Variants in KCTD1 observed in about 807,000 individuals in gnomAD.
KCTD1 encodes potassium channel tetramerization domain containing 1.
In KCTD1, 24 loss-of-function variants were observed where a neutral mutation model predicts 66.0. That is an observed-to-expected ratio of 0.36 (90% CI 0.26 to 0.51). The LOEUF is 0.51. KCTD1 is among the 20% of genes least tolerant of loss of function. The pLI, the probability that KCTD1 is intolerant of heterozygous loss-of-function variation, is 0.95. For missense variants in KCTD1, 943 were observed against 1,205.2 expected, an observed-to-expected ratio of 0.78 and a Z score of 3.22; for synonymous variants, 511 against 517.2, an observed-to-expected ratio of 0.99 and a Z score of 0.16.
At chr18:26,516,800 C>T (rs1422553679) in intron 1 of KCTD1, among the ~76,000 whole-genome samples, 7 of 152,178 alleles carry the variant, frequency 4.6e-5, no homozygotes, top group African/African-American at 1.4e-4. Context: ...GCTCTGATCT[C>T]TTTCCAGTAA....
chr18:26,520,546 C>CAG (rs1983862316), intron 1 of KCTD1, among the ~76,000 whole-genome samples: 1 of 152,180 alleles, frequency 6.6e-6, no homozygotes, highest in Non-Finnish European at 1.5e-5. Context: ...GATGTCGACA[C>CAG]ATGCTAATTG....
At chr18:26,505,093 T>C (rs1982962534) in intron 1 of KCTD1, among the ~76,000 whole-genome samples, 1 of 152,260 alleles carries the variant, frequency 6.6e-6, no homozygotes, top group African/African-American at 2.4e-5. Context: ...TAGTTTGAAA[T>C]GGGATTTCTG....
chr18:26,574,720 G>A (rs986456566), intron 1 of KCTD1, among the ~76,000 whole-genome samples: 1 of 152,154 alleles, frequency 6.6e-6, no homozygotes, highest in Non-Finnish European at 1.5e-5. Context: ...GAGTTGCGGT[G>A]AAGATCAAAA....
At chr18:26,560,152 AAC>A (rs1491391317) in intron 1 of KCTD1, among the ~76,000 whole-genome samples, 1,443 of 138,666 alleles carry the variant, frequency 0.01, 23 homozygotes, top group Non-Finnish European at 0.013. Context: ...AAAAAAAAAA[AAC>A]AAAACAGATA....
chr18:26,479,747 G>A (rs1981537524), intron 2 of KCTD1, among the ~76,000 whole-genome samples: 1 of 152,230 alleles, frequency 6.6e-6, no homozygotes, highest in South Asian at 2.1e-4. Flanking sequence ...ACAGTGGAGG[G>A]GGCACGTGGT....
chr18:26,598,966 T>C lies in KCTD1; in HGVS notation c.-16+30181A>G, dbSNP rs146385631. 2.9e-4 allele frequency among the ~76,000 whole-genome samples: 44 copies of C among 152,344 alleles called. 1 individual carries two copies. Among genetic ancestry groups the C allele is most frequent in the Admixed American group, 7.8e-4 (12 of 15,304 alleles). ...GTTGTCTTTTGGACTTTCTTCATGA[T>C]GTCTTTTGTAGCAAGAATGGTTTTA... On this transcript the variant is annotated intron_variant, in intron 1 of 4. Coordinates refer to the KCTD1 transcript ENST00000317932.
chr18:26,583,419 AAAAAG>A (rs1196346686), intron 1 of KCTD1, among the ~76,000 whole-genome samples: 11 of 142,886 alleles, frequency 7.7e-5, no homozygotes, highest in Admixed American at 1.4e-4. Context: ...AAAAAAAAAG[AAAAAG>A]AAAAGAAAAG....
At chr18:26,496,621 C>T (rs1982483949) in intron 2 of KCTD1, among the ~76,000 whole-genome samples, 1 of 152,074 alleles carries the variant, frequency 6.6e-6, no homozygotes, top group East Asian at 1.9e-4. Context: ...GTCCCTTTAG[C>T]TAAAAAAACA....
At chr18:26,496,963 G>C (rs1389999687) in intron 2 of KCTD1, among the ~76,000 whole-genome samples, 2 of 152,114 alleles carry the variant, frequency 1.3e-5, no homozygotes, top group African/African-American at 4.8e-5. Flanking sequence ...AAACTGCAGA[G>C]GTTCCTATTT....
intron 1 of KCTD1, among the ~76,000 whole-genome samples, chr18:26,653,047 C>T (rs1988065817): frequency 6.6e-6 from 1 of 152,198 alleles, no homozygotes; most frequent in Non-Finnish European, 1.5e-5. Context: ...GCTATATCTT[C>T]TCTTGCCTGG....
intron 1 of KCTD1, among the ~76,000 whole-genome samples, chr18:26,567,676 C>T (rs1341370916): frequency 5.9e-5 from 9 of 151,756 alleles, no homozygotes; most frequent in African/African-American, 1.9e-4. Context: ...TTAGTAGAGA[C>T]GAGGGTTTCA....
At chr18:26,618,817 C>T (rs1007735414) in intron 1 of KCTD1, among the ~76,000 whole-genome samples, 1 of 152,204 alleles carries the variant, frequency 6.6e-6, no homozygotes, top group African/African-American at 2.4e-5. Context: ...AGCTGTGTTT[C>T]TACCGATATT....
At chr18:26,477,323 C>A (rs771309897) in intron 2 of KCTD1, among the ~76,000 whole-genome samples, 1 of 152,176 alleles carries the variant, frequency 6.6e-6, no homozygotes, top group Non-Finnish European at 1.5e-5. Flanking sequence ...ACATGAGTAG[C>A]TATGCTTAAA....
At chr18:26,509,515 A>T (rs1384025930) in intron 1 of KCTD1, among the ~76,000 whole-genome samples, 1 of 152,170 alleles carries the variant, frequency 6.6e-6, no homozygotes, top group Non-Finnish European at 1.5e-5. Flanking sequence ...TCAACCATGT[A>T]TCGTTTCTTT....
chr18:26,599,976 C>T, intron 1 of KCTD1: 8 of 1,609,984 alleles, frequency 5.0e-6, no homozygotes, highest in Non-Finnish European at 5.9e-6. Flanking sequence ...CTGCAGTGGA[C>T]CCTGCTGCTG....
At chr18:26,565,070 A>G (rs925617850) in intron 1 of KCTD1, among the ~76,000 whole-genome samples, 3 of 152,212 alleles carry the variant, frequency 2.0e-5, no homozygotes, top group African/African-American at 4.8e-5. Context: ...TTTAAAGAGT[A>G]GCTATTATGG....
intron 1 of KCTD1, among the ~76,000 whole-genome samples, chr18:26,656,713 G>T (rs554391801): frequency 6.6e-6 from 1 of 151,630 alleles, no homozygotes; most frequent in East Asian, 2.0e-4. Flanking sequence ...CGAGAAGGGG[G>T]CGGCGGGGCC....
upstream of KCTD1, chr18:26,549,039 G>C: frequency 1.0e-6 from 1 of 985,414 alleles, no homozygotes; most frequent in Non-Finnish European, 1.2e-6. Flanking sequence ...GGTCGGGGCG[G>C]CGGCTGCGCC....
upstream of KCTD1, among the ~76,000 whole-genome samples, chr18:26,552,104 T>TG (rs1196524354): frequency 6.6e-6 from 1 of 151,968 alleles, no homozygotes; most frequent in African/African-American, 2.4e-5. Flanking sequence ...CTGGTGGGGG[T>TG]GGGGGGTCTC....
Sources: allele counts gnomAD v4.1 joint callset (sites outside exome capture counted in the v4.1 genomes callset), GRCh38; gene constraint gnomAD v4.1.1; transcripts MANE v1.5; gene names NCBI Gene and HGNC (gene_info 2026-07-23, HGNC 2026-07-21).